The following PCDHA10 variants were observed in gnomAD, a reference collection of about 807,000 sequenced individuals.
The protein encoded by PCDHA10 is protocadherin alpha-10.
PCDHA10 carries 45 observed loss-of-function variants against 61.2 expected under a neutral mutation model. The ratio of observed to expected loss-of-function variants is 0.74; its 90% confidence interval spans 0.58 to 0.94. The LOEUF is 0.94. PCDHA10 is among the 40% of genes least tolerant of loss of function. The pLI, the probability that PCDHA10 is intolerant of heterozygous loss-of-function variation, is 0.00. For missense variants in PCDHA10, 1,278 were observed against 1,236.2 expected (o/e 1.03, Z -0.51); for synonymous variants, 602 against 548.8 (o/e 1.10, Z -1.35).
intron 1 of PCDHA10, chr5:140,869,664 G>A (rs1554163333): frequency 5.0e-6 from 8 of 1,613,474 alleles, no homozygotes; most frequent in Non-Finnish European, 6.8e-6. Flanking sequence ...CAAATGGTAA[G>A]CAGATTAAAA....
intron 1 of PCDHA10, among the ~76,000 whole-genome samples, chr5:140,936,396 A>G (rs983509296): frequency 1.4e-4 from 22 of 152,112 alleles, no homozygotes; most frequent in African/African-American, 5.3e-4. Flanking sequence ...AAACTGGGCT[A>G]CTCAATTTTT....
At chr5:140,996,922 A>T (rs2097752714) in intron 3 of PCDHA10, among the ~76,000 whole-genome samples, 1 of 152,198 alleles carries the variant, frequency 6.6e-6, no homozygotes, top group African/African-American at 2.4e-5. Flanking sequence ...AATATTAAAA[A>T]ATATAGCATT....
rs1375690984 is a variant in PCDHA10, at chr5:140,856,114, C to A, written c.66C>A (p.Ala22=). 3 of 1,597,988 alleles carry A rather than the reference C, an allele frequency of 1.9e-6. No homozygotes were observed. Among genetic ancestry groups the A allele is most frequent in the Non-Finnish European group, 2.6e-6 (3 of 1,167,722 alleles). The change falls in exon 1 of 4, where the codon GCC becomes GCA. Residue 22 remains alanine (A), a synonymous_variant. Coordinates refer to ENST00000307360, the MANE Select transcript of PCDHA10 (RefSeq NM_018901.4). ...TGCTCTCGCTTCTTCTCCTCGCAGC[C>A]TGGGAGGTGGGGAGCGGCCAGCTCC... ...CLLLSLLLLA[A]WEVGSGQLHY...
At chr5:140,913,166 G>C (rs1357125827) in intron 1 of PCDHA10, among the ~76,000 whole-genome samples, 2 of 152,160 alleles carry the variant, frequency 1.3e-5, no homozygotes, top group African/African-American at 4.8e-5. Flanking sequence ...ATTGGTATTA[G>C]TTCTTCTTTA....
chr5:140,917,669 C>G (rs555314392), intron 1 of PCDHA10, among the ~76,000 whole-genome samples: 2 of 152,140 alleles, frequency 1.3e-5, no homozygotes, highest in Non-Finnish European at 2.9e-5. Context: ...AGTCCTTTCT[C>G]CATTGCTTGT....
intron 1 of PCDHA10, among the ~76,000 whole-genome samples, chr5:140,895,371 T>C (rs1554186488): frequency 1.3e-5 from 2 of 152,304 alleles, no homozygotes; most frequent in East Asian, 3.9e-4. Context: ...TTGGCACTTT[T>C]TGGAGTTCTT....
chr5:140,878,420 A>G (rs2057587520), intron 1 of PCDHA10, among the ~76,000 whole-genome samples: 1 of 152,236 alleles, frequency 6.6e-6, no homozygotes, highest in African/African-American at 2.4e-5. Flanking sequence ...TATTTCAAGT[A>G]GGAATAGATA....
chr5:141,003,588 T>C (rs558863784), intron 3 of PCDHA10, among the ~76,000 whole-genome samples: 65 of 152,252 alleles, frequency 4.3e-4, no homozygotes, highest in African/African-American at 1.3e-3. Context: ...GCTGGGATTT[T>C]AGATGTGAGC....
chr5:140,987,122 G>A (rs1054053197), intron 3 of PCDHA10, among the ~76,000 whole-genome samples: 2 of 151,858 alleles, frequency 1.3e-5, no homozygotes, highest in African/African-American at 4.8e-5. Context: ...GCTGAGGCAG[G>A]AGAATTGCTT....
At chr5:140,966,617 A>G (rs1169791623) in intron 1 of PCDHA10, 8 of 785,216 alleles carry the variant, frequency 1.0e-5, no homozygotes, top group African/African-American at 1.8e-5. Flanking sequence ...GGGCCTACGG[A>G]GGGAGCGGCC....
chr5:140,908,308 G>A (rs1011025623), intron 1 of PCDHA10, among the ~76,000 whole-genome samples: 19 of 152,170 alleles, frequency 1.2e-4, no homozygotes, highest in African/African-American at 4.6e-4. Context: ...AAGGAAGGGC[G>A]GCAGGAGTGG....
intron 1 of PCDHA10, among the ~76,000 whole-genome samples, chr5:140,923,319 A>G (rs1004006693): frequency 1.1e-4 from 16 of 152,264 alleles, no homozygotes; most frequent in African/African-American, 3.9e-4. Flanking sequence ...TTGGCCTAGA[A>G]GTTCAAGGAC....
intron 3 of PCDHA10, among the ~76,000 whole-genome samples, chr5:140,986,707 A>G (rs2097210304): frequency 6.6e-6 from 1 of 152,186 alleles, no homozygotes; most frequent in Admixed American, 6.5e-5. Flanking sequence ...AGCACTGCAG[A>G]AGATAACATT....
At chr5:140,915,290 C>G (rs1583944127) in intron 1 of PCDHA10, among the ~76,000 whole-genome samples, 1 of 152,254 alleles carries the variant, frequency 6.6e-6, no homozygotes, top group African/African-American at 2.4e-5. Flanking sequence ...ACTCTTTCTA[C>G]TTAAGATAAG....
chr5:140,966,934 G>T, intron 1 of PCDHA10: 1 of 1,604,080 alleles, frequency 6.2e-7, no homozygotes, highest in Non-Finnish European at 8.5e-7. Context: ...CACCCGGCGC[G>T]CTCGTGGGCA....
intron 1 of PCDHA10, chr5:140,870,427 G>T: frequency 1.9e-6 from 3 of 1,614,220 alleles, no homozygotes; most frequent in Non-Finnish European, 2.5e-6. Context: ...CAGGGTATCC[G>T]TGGAGGTGGC....
chr5:140,892,218 T>C (rs182162644), intron 1 of PCDHA10, among the ~76,000 whole-genome samples: 23 of 152,308 alleles, frequency 1.5e-4, no homozygotes, highest in Admixed American at 1.4e-3. Context: ...ATTGTATCTT[T>C]ATGGTGTTTT....
intron 1 of PCDHA10, chr5:140,966,588 G>A: frequency 3.6e-6 from 2 of 558,362 alleles, no homozygotes; most frequent in Non-Finnish European, 5.7e-6. Flanking sequence ...GAGGACGGTG[G>A]GGCCAGGAGC....
intron 1 of PCDHA10, chr5:140,968,393 C>T (rs747934843): frequency 1.8e-5 from 29 of 1,613,976 alleles, no homozygotes; most frequent in East Asian, 2.2e-5. Context: ...TGAGAAGTTT[C>T]GGGAGTTCTT....
Sources: allele counts gnomAD v4.1 joint callset (sites outside exome capture counted in the v4.1 genomes callset), GRCh38; gene constraint gnomAD v4.1.1; transcripts MANE v1.5; gene names NCBI Gene and HGNC (gene_info 2026-07-23, HGNC 2026-07-21).